The following MOGAT2 variants were observed in gnomAD, a reference collection of about 807,000 sequenced individuals.
The protein encoded by MOGAT2 is 2-acylglycerol O-acyltransferase 2.
In MOGAT2, 27 loss-of-function variants were observed where a neutral mutation model predicts 31.5. The ratio of observed to expected loss-of-function variants is 0.86; its 90% CI spans 0.63 to 1.18. The LOEUF is 1.18. Ranked by LOEUF, MOGAT2 falls within the 50% of genes most tolerant of loss-of-function variation. The probability of loss-of-function intolerance (pLI) is 0.00; values close to 1 mark genes in which losing one functional copy is unlikely to be tolerated. For synonymous variants in MOGAT2, 163 were observed against 170.0 expected (o/e 0.96, Z 0.32); for missense variants, 436 against 433.2 (o/e 1.01, Z -0.06).
intron 2 of MOGAT2, among the ~76,000 whole-genome samples, chr11:75,724,169 T>C (rs1296695042): frequency 6.6e-6 from 1 of 152,172 alleles, no homozygotes; most frequent in Non-Finnish European, 1.5e-5. Context: ...CATGCCAGGA[T>C]AGGATTGGGG....
Position 75,727,588 on chromosome 11 carries a change from C to T in MOGAT2, c.424C>T (p.Leu142=). 6.2e-7 allele frequency: 1 copy of T among 1,614,224 alleles called. No individual in the cohort carries two copies. Among genetic ancestry groups the T allele is most frequent in the Non-Finnish European group, 8.5e-7 (1 of 1,180,032 alleles). Reference sequence around the variant, plus strand: ...CGGTATCCGCCCCCATCTGATGATGCTGACCTTGTGGTTCCGGGCCCCCTT... The same window carrying T: ...CGGTATCCGCCCCCATCTGATGATGTTGACCTTGTGGTTCCGGGCCCCCTT... ...FPGIRPHLMM[L]TLWFRAPFFR... The change falls in exon 3 of 6, where the codon CTG becomes TTG. Residue 142 remains leucine, a synonymous_variant. Transcript: ENST00000198801.
At chr11:75,725,713 C>T (rs1009762750) in intron 2 of MOGAT2, among the ~76,000 whole-genome samples, 3 of 152,182 alleles carry the variant, frequency 2.0e-5, no homozygotes, top group East Asian at 3.8e-4. Context: ...CTGCTGCTCC[C>T]CAACAAGAAC....
intron 2 of MOGAT2, among the ~76,000 whole-genome samples, chr11:75,722,487 C>CG (rs1010178268): frequency 1.8e-4 from 27 of 152,178 alleles, no homozygotes; most frequent in African/African-American, 4.6e-4. Flanking sequence ...CCAAGCTCAC[C>CG]GGGGGGGAAA....
chr11:75,723,369 T>TG (rs1944394095), intron 2 of MOGAT2, among the ~76,000 whole-genome samples: 1 of 152,152 alleles, frequency 6.6e-6, no homozygotes, highest in South Asian at 2.1e-4. Context: ...GGCGAGATGA[T>TG]GTTCATTTTG....
chr11:75,724,248 T>TC (rs2135733791), intron 2 of MOGAT2, among the ~76,000 whole-genome samples: 1 of 152,360 alleles, frequency 6.6e-6, no homozygotes, highest in East Asian at 1.9e-4. Flanking sequence ...TCCTTCATGC[T>TC]ATACCCTTTC....
chr11:75,718,028 G>C, intron 1 of MOGAT2, 49 bp downstream of exon 1: 2 of 1,561,534 alleles, frequency 1.3e-6, no homozygotes, highest in Non-Finnish European at 1.8e-6. Context: ...CTCAGGTGGG[G>C]CAGAGCAGCC....
intron 2 of MOGAT2, among the ~76,000 whole-genome samples, chr11:75,721,667 C>T (rs892551665): frequency 3.3e-5 from 5 of 152,088 alleles, no homozygotes; most frequent in African/African-American, 9.7e-5. Context: ...GTCGTGACCT[C>T]GAGTCTGGGG....
In MOGAT2 at chr11:75,728,867, T is replaced by G. The variant is rs771255562; in HGVS notation, c.728T>G (p.Leu243Ter). The change falls in exon 5 of 6, where the codon TTA becomes TGA. Residue 243 changes from leucine (L) to a stop codon, truncating the protein, a stop_gained. Transcript: ENST00000198801. LOFTEE classifies it high-confidence loss of function. ...ATTCCCAACTCTTCTGGCTCCTGGTTACGCTATATCCAGAATCGGTTGCAG... is the reference window on the plus strand; with the variant it reads ...ATTCCCAACTCTTCTGGCTCCTGGTGACGCTATATCCAGAATCGGTTGCAG... ...DQIPNSSGSW[L>*]RYIQNRLQKI... The G allele has an allele frequency of 7.4e-6, 12 of 1,614,248 alleles. No homozygotes were observed. The highest frequency in any genetic ancestry group is 3.3e-5 in the Admixed American group (2 of 60,030).
At chr11:75,721,136 A>G (rs939070821) in intron 2 of MOGAT2, among the ~76,000 whole-genome samples, 1 of 152,066 alleles carries the variant, frequency 6.6e-6, no homozygotes, top group African/African-American at 2.4e-5. Flanking sequence ...TCTGATCCCA[A>G]GTCTGCCCCA....
rs2135739829 is a variant in MOGAT2 at position 75,732,908 on chromosome 11, A to C, written c.*1622A>C. On this transcript the variant is annotated 3_prime_UTR_variant, in exon 6 of 6. Coordinates refer to ENST00000198801, the MANE Select transcript of MOGAT2 (RefSeq NM_025098.4). ...GTGCACTCCCTCCAGCCTACCCACA[A>C]ACAGGACCTGCATCCTGTCTCACAA... is the stretch of plus-strand genomic sequence containing the variant. The C allele has an allele frequency of 6.6e-6, 1 of 152,262 alleles. No homozygotes were observed. Among genetic ancestry groups the C allele is most frequent in the South Asian group, 2.1e-4 (1 of 4,816 alleles). The allele number at this position is 152,262 out of a possible 1,614,324, so 9.4% of individuals were successfully genotyped here. A position where few individuals can be genotyped will look rare whatever the true frequency, so the allele number is the denominator to read the frequency against.
At chr11:75,729,847 C>T (rs1186325476) in intron 5 of MOGAT2, among the ~76,000 whole-genome samples, 2 of 147,782 alleles carry the variant, frequency 1.4e-5, no homozygotes, top group South Asian at 2.1e-4. Flanking sequence ...CAAGTTCAAG[C>T]GATTCTCCTG....
intron 2 of MOGAT2, among the ~76,000 whole-genome samples, chr11:75,724,644 A>G (rs1944405058): frequency 6.6e-6 from 1 of 152,104 alleles, no homozygotes; most frequent in Non-Finnish European, 1.5e-5. Flanking sequence ...CCTGGGTGAC[A>G]GAGTGAGACT....
chr11:75,723,125 C>G (rs1029248054), intron 2 of MOGAT2, among the ~76,000 whole-genome samples: 8 of 151,874 alleles, frequency 5.3e-5, no homozygotes, highest in African/African-American at 1.9e-4. Context: ...CCACTCCCGG[C>G]TGATTTGTAT....
intron 2 of MOGAT2, among the ~76,000 whole-genome samples, chr11:75,726,693 T>C (rs1437182702): frequency 2.0e-5 from 3 of 146,718 alleles, no homozygotes; most frequent in African/African-American, 5.3e-5. Flanking sequence ...TGGAGGAACA[T>C]TGATTTTTTT....
At chr11:75,724,081 T>C (rs1429758335) in intron 2 of MOGAT2, among the ~76,000 whole-genome samples, 2 of 152,194 alleles carry the variant, frequency 1.3e-5, no homozygotes, top group Non-Finnish European at 2.9e-5. Flanking sequence ...GGCTTGGCAA[T>C]GGTCATGTGA....
At chr11:75,724,021 GTT>G (rs1944398760) in intron 2 of MOGAT2, among the ~76,000 whole-genome samples, 1 of 152,224 alleles carries the variant, frequency 6.6e-6, no homozygotes, top group Non-Finnish European at 1.5e-5. Context: ...CCAGGGAGGC[GTT>G]ATCAGTGTCC....
Position 75,728,911 on chromosome 11 carries a change from C to T in MOGAT2, c.772C>T (p.Leu258Phe), listed in dbSNP as rs779490736. The change falls in exon 5 of 6, where the codon CTC (leucine) becomes TTC (phenylalanine). Residue 258 changes from leucine to phenylalanine, a missense_variant. By Grantham distance (22) the Leu-to-Phe change is conservative (BLOSUM62 0). Transcript: ENST00000198801. ...GTTGCAGAAGATCATGGGCATCTCC[C>T]TCCCACTCTTTCATGGCCGTGGTGT... is the stretch of plus-strand genomic sequence containing the variant. Reference protein sequence around the residue: ...NRLQKIMGISLPLFHGRGVFQ... With the variant: ...NRLQKIMGISFPLFHGRGVFQ... The T allele has an allele frequency of 1.2e-6, 2 of 1,614,078 alleles. No individual in the cohort carries two copies. Among genetic ancestry groups the T allele is most frequent in the Admixed American group, 1.7e-5 (1 of 59,998 alleles).
chr11:75,731,354 G>C lies in MOGAT2; in HGVS notation c.*68G>C. ...GCTGTGCTGAGAAGACTTCCTGGAG[G>C]TGTTTGTTGAACATATCTGCAGAGC... On this transcript the variant is annotated 3_prime_UTR_variant, in exon 6 of 6. Coordinates refer to ENST00000198801, the MANE Select transcript of MOGAT2 (RefSeq NM_025098.4). The C allele has an allele frequency of 6.5e-7, 1 of 1,545,748 alleles. No individual in the cohort carries two copies. The highest frequency in any genetic ancestry group is 2.3e-5 in the East Asian group (1 of 44,176).
Position 75,732,894 on chromosome 11 carries a change from C to G in MOGAT2, c.*1608C>G, listed in dbSNP as rs1944495844. The G allele has an allele frequency of 6.6e-6, 1 of 152,396 alleles. No individual in the cohort carries two copies. The highest frequency in any genetic ancestry group is 1.5e-5 in the Non-Finnish European group (1 of 68,218). 9.4% of individuals were successfully genotyped at this position (152,396 alleles called of 1,614,324 possible). A position where few individuals can be genotyped will look rare whatever the true frequency, so the allele number is the denominator to read the frequency against. ...TGCCCCTGCCTCTAGTGCACTCCCT[C>G]CAGCCTACCCACAAACAGGACCTGC... On this transcript the variant is annotated 3_prime_UTR_variant, in exon 6 of 6. Coordinates refer to ENST00000198801, the MANE Select transcript of MOGAT2 (RefSeq NM_025098.4).
Sources: allele counts gnomAD v4.1 joint callset (sites outside exome capture counted in the v4.1 genomes callset), GRCh38; gene constraint gnomAD v4.1.1; transcripts MANE v1.5; gene names NCBI Gene and HGNC (gene_info 2026-07-23, HGNC 2026-07-21).